The following ADAMTS3 variants were observed in gnomAD, a reference collection of about 807,000 sequenced individuals.
ADAMTS3 encodes the protein ADAM metallopeptidase with thrombospondin type 1 motif 3, also known as A disintegrin and metalloproteinase with thrombospondin motifs 3.
Under a neutral mutation model 129.0 loss-of-function variants are expected in ADAMTS3, and 73 were observed. The ratio of observed to expected loss-of-function variants is 0.57; its 90% confidence interval spans 0.47 to 0.69. The LOEUF is 0.69. ADAMTS3 is among the 30% of genes least tolerant of loss of function. The pLI is 0.00. For synonymous variants in ADAMTS3, 477 were observed against 510.8 expected (o/e 0.93, Z 0.89); for missense variants, 1,457 against 1,514.5 (o/e 0.96, Z 0.63).
chr4:72,363,284 G>GAA (rs1350541181), intron 4 of ADAMTS3, among the ~76,000 whole-genome samples: 40 of 152,106 alleles, frequency 2.6e-4, no homozygotes, highest in African/African-American at 9.4e-4. Flanking sequence ...GAAAATTCAA[G>GAA]AAATAAGAAG....
intron 17 of ADAMTS3, among the ~76,000 whole-genome samples, chr4:72,303,409 A>C (rs1285360472): frequency 6.6e-6 from 1 of 152,120 alleles, no homozygotes; most frequent in Admixed American, 6.6e-5. Flanking sequence ...GGAATAAAAA[A>C]CCAAAAAACT....
intron 4 of ADAMTS3, among the ~76,000 whole-genome samples, chr4:72,408,060 AC>A (rs1400250953): frequency 5.3e-5 from 8 of 152,322 alleles, no homozygotes; most frequent in African/African-American, 1.9e-4. Flanking sequence ...TCTAGAAAGA[AC>A]AAAAGCAAGT....
At chr4:72,354,295 T>G (rs1332413567) in intron 4 of ADAMTS3, among the ~76,000 whole-genome samples, 1 of 152,010 alleles carries the variant, frequency 6.6e-6, no homozygotes, top group Non-Finnish European at 1.5e-5. Context: ...TAAGCTTCAG[T>G]CAGTATAGCT....
chr4:72,299,812 A>AT (rs766667917), intron 17 of ADAMTS3, among the ~76,000 whole-genome samples: 4 of 152,030 alleles, frequency 2.6e-5, no homozygotes, highest in Non-Finnish European at 5.9e-5. Context: ...AACTGTACAC[A>AT]TTTTTTCTCT....
At chr4:72,536,050 A>T (rs777373212) in intron 3 of ADAMTS3, among the ~76,000 whole-genome samples, 1 of 152,182 alleles carries the variant, frequency 6.6e-6, no homozygotes, top group Non-Finnish European at 1.5e-5. Context: ...GTCATTTTCT[A>T]TATGGTTATT....
rs374628791 is a variant in ADAMTS3 at position 72,548,818 on chromosome 4, C to A, written c.164G>T (p.Arg55Leu). Residue 55 changes from arginine (R) to leucine (L), a missense_variant, in exon 3 of 22, where the codon CGC becomes CTC. Transcript: ENST00000286657. ...CGCAGAAAGAGTATGGGAGAGATAGCGTCCTTCTAGATTTGTGCTGACTGG... is the reference window on the plus strand; with the variant it reads ...CGCAGAAAGAGTATGGGAGAGATAGAGTCCTTCTAGATTTGTGCTGACTGG... The part of the protein sequence containing the change: ...VTPVSTNLEG[R>L]YLSHTLSASH... 3 of 1,613,680 alleles carry A rather than the reference C, an allele frequency of 1.9e-6. No individual in the cohort carries two copies. Among genetic ancestry groups the A allele is most frequent in the African/African-American group, 2.7e-5 (2 of 74,878 alleles).
intron 3 of ADAMTS3, among the ~76,000 whole-genome samples, chr4:72,497,974 A>G (rs1017701437): frequency 1.3e-5 from 2 of 152,064 alleles, no homozygotes; most frequent in Admixed American, 1.3e-4. Flanking sequence ...GGCTATGGCA[A>G]TTTGTAAAAT....
chr4:72,416,759 T>C (rs1722315707), intron 3 of ADAMTS3, among the ~76,000 whole-genome samples: 1 of 152,306 alleles, frequency 6.6e-6, no homozygotes, highest in Non-Finnish European at 1.5e-5. Context: ...AAATTTTAAT[T>C]TTAATCTATT....
intron 3 of ADAMTS3, among the ~76,000 whole-genome samples, chr4:72,433,836 T>C (rs949594378): frequency 2.0e-5 from 3 of 151,892 alleles, no homozygotes; most frequent in Non-Finnish European, 4.4e-5. Flanking sequence ...ATCAATGATT[T>C]TGTTATTTTT....
At chr4:72,489,310 C>T (rs1314285231) in intron 3 of ADAMTS3, among the ~76,000 whole-genome samples, 3 of 151,858 alleles carry the variant, frequency 2.0e-5, no homozygotes, top group South Asian at 2.1e-4. Flanking sequence ...TCTATGGTTT[C>T]GATCACCCAT....
intron 3 of ADAMTS3, among the ~76,000 whole-genome samples, chr4:72,503,179 C>T (rs373748910): frequency 4.6e-5 from 7 of 151,926 alleles, no homozygotes; most frequent in Admixed American, 2.0e-4. Flanking sequence ...CCCACCACCA[C>T]GCTTGGCTAA....
In ADAMTS3 at chr4:72,356,276, TA is replaced by T. The variant is rs557337396; in HGVS notation, c.662-16584del. 1.4e-3 allele frequency among the ~76,000 whole-genome samples: 210 copies of T among 150,866 alleles called. 1 individual carries two copies. The highest frequency in any genetic ancestry group is 5.0e-3 in the African/African-American group (205 of 41,226). ...TTCTAACAGTATTGGAAGTGATAATTAAAAAAAAACTGGAGGTAATTCATAC... is the reference window on the plus strand; with the variant it reads ...TTCTAACAGTATTGGAAGTGATAATTAAAAAAAACTGGAGGTAATTCATAC... On this transcript the variant is annotated intron_variant, in intron 4 of 21. Coordinates refer to ENST00000286657, the MANE Select transcript of ADAMTS3 (RefSeq NM_014243.3).
intron 3 of ADAMTS3, among the ~76,000 whole-genome samples, chr4:72,478,879 A>G (rs1719328040): frequency 6.6e-6 from 1 of 151,784 alleles, no homozygotes; most frequent in South Asian, 2.1e-4. Context: ...AAAAATCACA[A>G]GCATTCTTAT....
At chr4:72,479,659 A>G (rs1028859409) in intron 3 of ADAMTS3, among the ~76,000 whole-genome samples, 6 of 152,202 alleles carry the variant, frequency 3.9e-5, no homozygotes, top group Non-Finnish European at 7.3e-5. Flanking sequence ...CTAAAACACC[A>G]AAAGCAATGG....
chr4:72,408,370 C>A lies in ADAMTS3; in HGVS notation c.661+6445G>T, dbSNP rs72852044. ...CCTCCACAGAGACATAGGAGGTGCA[C>A]ACACACACATACACACACTCATGCA... On this transcript the variant is annotated intron_variant, in intron 4 of 21. Coordinates refer to ENST00000286657, the MANE Select transcript of ADAMTS3 (RefSeq NM_014243.3). 5.9e-3 allele frequency among the ~76,000 whole-genome samples: 896 copies of A among 151,804 alleles called. 15 individuals are homozygous for A. The highest frequency in any genetic ancestry group is 0.021 in the African/African-American group (857 of 41,420).
At chr4:72,404,372 G>A (rs911589951) in intron 4 of ADAMTS3, among the ~76,000 whole-genome samples, 7 of 151,806 alleles carry the variant, frequency 4.6e-5, no homozygotes, top group African/African-American at 1.7e-4. Flanking sequence ...CACATATATG[G>A]TCAAATGGTC....
chr4:72,510,459 A>C (rs994050288), intron 3 of ADAMTS3, among the ~76,000 whole-genome samples: 13 of 152,148 alleles, frequency 8.5e-5, no homozygotes, highest in African/African-American at 3.1e-4. Context: ...AAAAATTAGT[A>C]GCATTTCTAT....
intron 4 of ADAMTS3, among the ~76,000 whole-genome samples, chr4:72,408,066 G>A (rs1722094901): frequency 6.6e-6 from 1 of 152,018 alleles, no homozygotes; most frequent in Non-Finnish European, 1.5e-5. Context: ...AAGAACAAAA[G>A]CAAGTATTCA....
Position 72,548,552 on chromosome 4 carries a change from T to C in ADAMTS3, c.430A>G (p.Thr144Ala). The C allele has an allele frequency of 6.2e-7, 1 of 1,613,928 alleles. No homozygotes were observed. Among genetic ancestry groups the C allele is most frequent in the Non-Finnish European group, 8.5e-7 (1 of 1,179,876 alleles). Reference sequence around the variant, plus strand: ...ATGTCACCAACATAAGCACAGTTAGTCTGCAAAGGCTCTGTTCTCCGGATT... The same window carrying C: ...ATGTCACCAACATAAGCACAGTTAGCCTGCAAAGGCTCTGTTCTCCGGATT... ...YRIRRTEPLQTNCAYVGDIVD... is the reference protein window; with the variant it reads ...YRIRRTEPLQANCAYVGDIVD... Residue 144 changes from threonine to alanine, a missense_variant, in exon 3 of 22, where the codon ACT becomes GCT. Thr to Ala is a moderately conservative substitution (Grantham distance 58, BLOSUM62 0). Coordinates refer to ENST00000286657, the MANE Select transcript of ADAMTS3 (RefSeq NM_014243.3).
Sources: gnomAD v4.1 joint callset for allele counts (sites outside exome capture counted in the v4.1 genomes callset) on GRCh38, gnomAD v4.1.1 for gene constraint, MANE v1.5 for transcripts, NCBI Gene and HGNC (gene_info 2026-07-23, HGNC 2026-07-21) for gene names.